Variants in HDAC9 observed in about 807,000 individuals in gnomAD.
HDAC9 encodes the protein MEF-2 interacting transcription repressor (MITR) protein.
HDAC9 carries 41 observed loss-of-function variants against 139.4 expected under a neutral mutation model. The observed-to-expected ratio is 0.29, with a 90% CI of 0.23 to 0.38. HDAC9 has a LOEUF of 0.38. HDAC9 is among the 10% of genes least tolerant of loss of function. The pLI, the probability that HDAC9 is intolerant of heterozygous loss-of-function variation, is 1.00. For synonymous variants in HDAC9, 517 were observed against 476.2 expected, an observed-to-expected ratio of 1.09 and a Z score of -1.12; for missense variants, 1,147 against 1,297.0, an observed-to-expected ratio of 0.88 and a Z score of 1.78.
intron 1 of HDAC9, among the ~76,000 whole-genome samples, chr7:18,117,042 A>C (rs1784038894): frequency 6.6e-6 from 1 of 152,184 alleles, no homozygotes; most frequent in African/African-American, 2.4e-5. Flanking sequence ...TTTAGGATTG[A>C]CCAAACCAAA....
chr7:18,858,485 A>G (rs1218704433), intron 21 of HDAC9, among the ~76,000 whole-genome samples: 1 of 152,174 alleles, frequency 6.6e-6, no homozygotes, highest in Non-Finnish European at 1.5e-5. Flanking sequence ...AATCACCCCC[A>G]TGATTCAATT....
At chr7:18,585,974 T>A (rs955354385) in intron 3 of HDAC9, among the ~76,000 whole-genome samples, 1 of 152,186 alleles carries the variant, frequency 6.6e-6, no homozygotes, top group Non-Finnish European at 1.5e-5. Flanking sequence ...TAAGTAGATG[T>A]TCTGAGTATG....
intron 22 of HDAC9, among the ~76,000 whole-genome samples, chr7:18,909,015 T>G (rs1319921525): frequency 6.6e-6 from 1 of 152,054 alleles, no homozygotes; most frequent in Non-Finnish European, 1.5e-5. Context: ...CCATGAACAG[T>G]GTATAAGAGT....
intron 2 of HDAC9, among the ~76,000 whole-genome samples, chr7:18,530,344 G>A (rs565007292): frequency 6.6e-6 from 1 of 152,214 alleles, no homozygotes; most frequent in South Asian, 2.1e-4. Flanking sequence ...CTTTATGGAA[G>A]CTGTCCCCAG....
intron 1 of HDAC9, among the ~76,000 whole-genome samples, chr7:18,374,331 T>A (rs1784823824): frequency 6.6e-6 from 1 of 152,016 alleles, no homozygotes; most frequent in South Asian, 2.1e-4. Flanking sequence ...GATGCGTTGT[T>A]GACTGGGATA....
At chr7:18,356,027 A>G (rs1202288256) in intron 1 of HDAC9, among the ~76,000 whole-genome samples, 1 of 152,132 alleles carries the variant, frequency 6.6e-6, no homozygotes, top group East Asian at 1.9e-4. Context: ...ATGAACTTTG[A>G]AATCATTGAA....
intron 25 of HDAC9, among the ~76,000 whole-genome samples, chr7:18,993,717 G>A (rs1418947080): frequency 6.6e-6 from 1 of 152,016 alleles, no homozygotes; most frequent in East Asian, 1.9e-4. Flanking sequence ...GTAGGAGAAT[G>A]GCTTGAGCCC....
At chr7:18,395,379 G>T (rs1272473102) in intron 1 of HDAC9, among the ~76,000 whole-genome samples, 2 of 152,070 alleles carry the variant, frequency 1.3e-5, no homozygotes, top group African/African-American at 4.8e-5. Flanking sequence ...ATAATTAATT[G>T]TTTGGAGTGG....
intron 14 of HDAC9, among the ~76,000 whole-genome samples, chr7:18,761,542 A>G (rs1789390944): frequency 6.6e-6 from 1 of 152,224 alleles, no homozygotes; most frequent in East Asian, 1.9e-4. Context: ...TCAAATTGCC[A>G]TAAAAGTTTC....
At chr7:18,685,827 G>T (rs558895971) in intron 12 of HDAC9, among the ~76,000 whole-genome samples, 40 of 152,024 alleles carry the variant, frequency 2.6e-4, no homozygotes, top group African/African-American at 8.9e-4. Context: ...AATAGCGTGT[G>T]CCAGTATTTA....
At chr7:18,422,896 T>G (rs1414106091) in intron 1 of HDAC9, among the ~76,000 whole-genome samples, 1 of 152,152 alleles carries the variant, frequency 6.6e-6, no homozygotes, top group East Asian at 1.9e-4. Flanking sequence ...AGTCCTAAGT[T>G]TGCATATGGA....
In HDAC9 at chr7:18,921,105, T is replaced by C. The variant is rs555348673; in HGVS notation, c.2804-14704T>C. Among the ~76,000 whole-genome samples, 37 of 152,188 alleles carry C rather than the reference T, an allele frequency of 2.4e-4. No homozygotes were observed. The South Asian group carries it at 6.4e-3, about 26-fold the overall frequency. On this transcript the variant is annotated intron_variant, in intron 22 of 25. Transcript: ENST00000686413. ...ATTCAAGATGGATTAAAGACTTACA[T>C]GTTAGACCTAAAACCATAAAAACCG...
chr7:18,667,953 A>C, intron 12 of HDAC9: 1 of 976,268 alleles, frequency 1.0e-6, no homozygotes, highest in Non-Finnish European at 1.2e-6. Flanking sequence ...AATCTTTGTG[A>C]GGTTTTTTCT....
intron 2 of HDAC9, among the ~76,000 whole-genome samples, chr7:18,188,398 A>G (rs1790076232): frequency 6.6e-6 from 1 of 152,230 alleles, no homozygotes; most frequent in Non-Finnish European, 1.5e-5. Context: ...TAAAAACCCT[A>G]GAAGAAAACC....
At chr7:18,103,164 A>G (rs1782960342) in intron 1 of HDAC9, among the ~76,000 whole-genome samples, 1 of 152,118 alleles carries the variant, frequency 6.6e-6, no homozygotes, top group African/African-American at 2.4e-5. Context: ...ATCAGATCTC[A>G]TGAGACTTGT....
At chr7:18,225,018 G>A (rs1386782187) in intron 2 of HDAC9, among the ~76,000 whole-genome samples, 1 of 151,742 alleles carries the variant, frequency 6.6e-6, no homozygotes, top group Non-Finnish European at 1.5e-5. Flanking sequence ...AGGCATAGTT[G>A]GCTTAAAAAA....
intron 2 of HDAC9, among the ~76,000 whole-genome samples, chr7:18,174,968 G>A (rs769898228): frequency 6.6e-6 from 1 of 152,204 alleles, no homozygotes; most frequent in Non-Finnish European, 1.5e-5. Flanking sequence ...ACCATGCTGG[G>A]AGAACTACTG....
At chr7:18,525,288 A>C (rs1481899437) in intron 2 of HDAC9, among the ~76,000 whole-genome samples, 1 of 152,116 alleles carries the variant, frequency 6.6e-6, no homozygotes, top group Non-Finnish European at 1.5e-5. Flanking sequence ...TGGCGACTTA[A>C]AAAAATAGTA....
Position 18,177,427 on chromosome 7 carries a change from C to T in HDAC9, c.25+15078C>T, listed in dbSNP as rs1789008688. ...CACATCTATTTAAGGTATATAAGAA[C>T]CCGTACCCTTTTCAGGCTTATCTTA... On this transcript the variant is annotated intron_variant, in intron 2 of 12. Transcript: ENST00000417496. 1.3e-5 allele frequency among the ~76,000 whole-genome samples: 2 copies of T among 152,112 alleles called. 1 individual carries two copies. Among genetic ancestry groups the T allele is most frequent in the South Asian group, 4.1e-4 (2 of 4,824 alleles).
Sources: gnomAD v4.1 joint callset for allele counts (sites outside exome capture counted in the v4.1 genomes callset) on GRCh38, gnomAD v4.1.1 for gene constraint, MANE v1.5 for transcripts, NCBI Gene and HGNC (gene_info 2026-07-23, HGNC 2026-07-21) for gene names.